SAE1: variants seen among roughly 807,000 people sequenced by gnomAD.
SAE1 encodes SUMO-activating enzyme subunit 1.
A neutral mutation model predicts 40.6 loss-of-function variants in SAE1; 11 were observed. The observed-to-expected ratio is 0.27, with a 90% CI of 0.17 to 0.45. SAE1 has a LOEUF of 0.45. Ranked by LOEUF, SAE1 falls within the 20% of genes least tolerant of loss-of-function variation. The pLI, the probability that SAE1 is intolerant of heterozygous loss-of-function variation, is 1.00. For synonymous variants in SAE1, 155 were observed against 154.3 expected, an observed-to-expected ratio of 1.00 and a Z score of -0.03; for missense variants, 373 against 427.3, an observed-to-expected ratio of 0.87 and a Z score of 1.12.
At chr19:47,154,694 C>T (rs2058309968) in intron 4 of SAE1, among the ~76,000 whole-genome samples, 1 of 151,786 alleles carries the variant, frequency 6.6e-6, no homozygotes, top group Admixed American at 6.6e-5. Context: ...CGGGGTTTTG[C>T]TATGTTGGCC....
intron 1 of SAE1, among the ~76,000 whole-genome samples, chr19:47,137,161 G>A (rs2058185564): frequency 6.6e-6 from 1 of 152,050 alleles, no homozygotes; most frequent in African/African-American, 2.4e-5. Context: ...GGCCGAGGTG[G>A]GTGGATCACC....
At chr19:47,177,396 C>A (rs1568601111) in intron 6 of SAE1, among the ~76,000 whole-genome samples, 1 of 152,180 alleles carries the variant, frequency 6.6e-6, no homozygotes, top group Admixed American at 6.6e-5. Context: ...TCTTGCTCTG[C>A]TTTCCAGGCT....
At chr19:47,172,430 C>T (rs1236461172) in intron 6 of SAE1, among the ~76,000 whole-genome samples, 1 of 152,064 alleles carries the variant, frequency 6.6e-6, no homozygotes, top group Non-Finnish European at 1.5e-5. Context: ...TGCTCACTGC[C>T]TCGCACATAG....
At chr19:47,152,859 T>C in intron 3 of SAE1, 39 bp from the exon 4 acceptor site, 1 of 1,603,186 alleles carries the variant, frequency 6.2e-7, no homozygotes, top group Non-Finnish European at 8.5e-7. Context: ...ATTCACAGTT[T>C]GCAAAACTCA....
chr19:47,198,414 C>A (rs2058630533), intron 7 of SAE1, among the ~76,000 whole-genome samples: 1 of 152,084 alleles, frequency 6.6e-6, no homozygotes, highest in East Asian at 1.9e-4. Flanking sequence ...GCGCTCCATC[C>A]ACATCTCCTT....
At chr19:47,208,566 G>GA (rs2066569831) in intron 8 of SAE1, among the ~76,000 whole-genome samples, 1 of 151,914 alleles carries the variant, frequency 6.6e-6, no homozygotes, top group South Asian at 2.1e-4. Context: ...TCAGCCTCCC[G>GA]AGTAGCATGC....
At position 47,150,355 on chromosome 19, in the gene SAE1, T is replaced by C; in HGVS notation, c.364T>C (p.Phe122Leu). The part of the protein sequence containing the change: ...TEDIEKKPES[F>L]FTQFDAVCLT... The stretch of plus-strand genomic sequence containing the variant: ...GGATATAGAGAAGAAACCAGAGTCA[T>C]TTTTCACTCAATTCGATGCTGTAAG... The change falls in exon 3 of 9, where the codon TTT (phenylalanine) becomes CTT (leucine). Residue 122 changes from phenylalanine to leucine, a missense_variant. Transcript: ENST00000270225. 1 of 1,598,592 alleles carries C rather than the reference T, an allele frequency of 6.3e-7. No homozygotes were observed. Among genetic ancestry groups the C allele is most frequent in the Non-Finnish European group, 8.5e-7 (1 of 1,174,704 alleles).
At position 47,143,616 on chromosome 19, in the gene SAE1, G is replaced by T. The variant is rs746652536; in HGVS notation, c.210+11G>T. 1.8e-5 allele frequency: 29 copies of T among 1,591,634 alleles called. 1 individual carries two copies. The South Asian group carries it at 3.2e-4, about 18-fold the overall frequency. ...CTGGATCACGAACAGGTGCGCTGTT[G>T]TGAGCTCATTCCTCCCCTGCTCTGG... is the stretch of plus-strand genomic sequence containing the variant. On this transcript the variant is annotated intron_variant, in intron 2 of 8. Transcript: ENST00000270225.
intron 5 of SAE1, among the ~76,000 whole-genome samples, chr19:47,167,544 A>G (rs946619760): frequency 2.0e-5 from 3 of 152,062 alleles, no homozygotes; most frequent in African/African-American, 7.2e-5. Flanking sequence ...CCAGCCAACA[A>G]TTTGAACTTT....
At chr19:47,206,729 C>T (rs1188785772) in intron 8 of SAE1, among the ~76,000 whole-genome samples, 1 of 152,166 alleles carries the variant, frequency 6.6e-6, no homozygotes, top group Non-Finnish European at 1.5e-5. Flanking sequence ...ACCCTTCCAC[C>T]TGGCTAGGTT....
rs555237767 is a variant in SAE1, at chr19:47,193,286, C to T, written c.734-3947C>T. 2.0e-5 allele frequency among the ~76,000 whole-genome samples: 3 copies of T among 152,102 alleles called. No individual in the cohort carries two copies. In the East Asian group the frequency reaches 5.8e-4, roughly 29 times the overall value. On this transcript the variant is annotated intron_variant, in intron 6 of 8. Coordinates refer to ENST00000270225, the MANE Select transcript of SAE1 (RefSeq NM_005500.3). ...GTGTTGGCCAGGCTGGTCTTGAACT[C>T]CTGACCTCAGGTGATCCACCTGCCT...
intron 1 of SAE1, among the ~76,000 whole-genome samples, chr19:47,133,112 T>A (rs2058157081): frequency 6.6e-6 from 1 of 152,156 alleles, no homozygotes; most frequent in Admixed American, 6.6e-5. Flanking sequence ...GATTGTCAAA[T>A]TAGAGAAATA....
Position 47,161,857 on chromosome 19 carries a change from T to G in SAE1, c.627+6644T>G, listed in dbSNP as rs187987869. 7.2e-5 allele frequency among the ~76,000 whole-genome samples: 11 copies of G among 152,356 alleles called. No individual in the cohort carries two copies. In the East Asian group the frequency reaches 1.9e-3, roughly 27 times the overall value. On this transcript the variant is annotated intron_variant, in intron 5 of 8. Coordinates refer to ENST00000270225, the MANE Select transcript of SAE1 (RefSeq NM_005500.3). Reference sequence around the variant, plus strand: ...CTTTTTATCTTCTTAAAAATTGGTTTTATATTGTATGCATGGTGCCACCTG... The same window carrying G: ...CTTTTTATCTTCTTAAAAATTGGTTGTATATTGTATGCATGGTGCCACCTG...
At chr19:47,131,981 G>A (rs1337754726) in intron 1 of SAE1, among the ~76,000 whole-genome samples, 1 of 151,830 alleles carries the variant, frequency 6.6e-6, no homozygotes, top group Non-Finnish European at 1.5e-5. Flanking sequence ...GATTACAGGA[G>A]TGAGCCACCG....
At chr19:47,186,663 C>T (rs1299040403) in intron 6 of SAE1, among the ~76,000 whole-genome samples, 1 of 152,132 alleles carries the variant, frequency 6.6e-6, no homozygotes, top group African/African-American at 2.4e-5. Flanking sequence ...CAACTTTCAT[C>T]CGGCGCCTCG....
intron 6 of SAE1, among the ~76,000 whole-genome samples, chr19:47,194,205 C>T (rs1042796868): frequency 2.0e-5 from 3 of 152,190 alleles, no homozygotes; most frequent in African/African-American, 7.2e-5. Context: ...GTCTGTCTGG[C>T]ACAAAGTAAG....
At chr19:47,165,542 CAGGGGTTCATTCCAGTGGAT>C (rs930841475) in intron 5 of SAE1, among the ~76,000 whole-genome samples, 1 of 152,100 alleles carries the variant, frequency 6.6e-6, no homozygotes, top group Non-Finnish European at 1.5e-5. Context: ...TACCTGTTTT[CAGGGGTTCATTCCAGTGGAT>C]AGTGGATGCC....
chr19:47,209,393 G>T lies in SAE1; in HGVS notation c.*142G>T, dbSNP rs1377010420. 7.0e-6 allele frequency: 10 copies of T among 1,438,666 alleles called. No individual in the cohort carries two copies. The highest frequency in any genetic ancestry group is 9.5e-6 in the Non-Finnish European group (10 of 1,055,752). 89.1% of individuals were successfully genotyped at this position (1,438,666 alleles called of 1,614,324 possible). On this transcript the variant is annotated 3_prime_UTR_variant, in exon 9 of 9. Transcript: ENST00000270225. ...CAAAACATTTCCTGCAACGAAGGAG[G>T]TGGTGCCGACGTGCTGCTTCCCATC...
chr19:47,207,632 G>A (rs1016892066), intron 8 of SAE1, among the ~76,000 whole-genome samples: 26 of 152,046 alleles, frequency 1.7e-4, no homozygotes, highest in Admixed American at 9.8e-4. Flanking sequence ...ACAGGGCCAC[G>A]TGCTCACTCT....
Sources: allele counts gnomAD v4.1 joint callset (sites outside exome capture counted in the v4.1 genomes callset), GRCh38; gene constraint gnomAD v4.1.1; transcripts MANE v1.5; gene names NCBI Gene and HGNC (gene_info 2026-07-23, HGNC 2026-07-21).